MYO6: variants seen among roughly 807,000 people sequenced by gnomAD.
MYO6 encodes the protein myosin VI, also known as unconventional myosin-VI.
In MYO6, 74 loss-of-function variants were observed where a neutral mutation model predicts 178.7. The observed-to-expected ratio is 0.41, with a 90% CI of 0.34 to 0.50. The LOEUF is 0.50. Ranked by LOEUF, MYO6 falls within the 20% of genes least tolerant of loss-of-function variation. The pLI is 0.09. For synonymous variants in MYO6, 477 were observed against 504.6 expected (o/e 0.95, Z 0.73); for missense variants, 1,330 against 1,547.4 (o/e 0.86, Z 2.36).
chr6:75,803,108 T>C (rs913314601), intron 1 of MYO6, among the ~76,000 whole-genome samples: 44 of 152,250 alleles, frequency 2.9e-4, no homozygotes, highest in African/African-American at 1.0e-3. Flanking sequence ...CAGGTGTTTA[T>C]ATTTGAAATA....
At chr6:75,903,519 G>T (rs1307760281) in intron 30 of MYO6, among the ~76,000 whole-genome samples, 1 of 151,910 alleles carries the variant, frequency 6.6e-6, no homozygotes, top group African/African-American at 2.4e-5. Flanking sequence ...TTGGTTTAAA[G>T]TCTGTTTTAT....
rs193025725 is a variant in MYO6 at position 75,880,227 on chromosome 6, G to A, written c.2286+107G>A. 136 of 860,052 alleles carry A rather than the reference G, an allele frequency of 1.6e-4. No homozygotes were observed. The African/African-American group carries it at 2.2e-3, about 14-fold the overall frequency. The allele number at this position is 860,052 out of a possible 1,614,324, so 53.3% of individuals were successfully genotyped here. A position where few individuals can be genotyped will look rare whatever the true frequency, so the allele number is the denominator to read the frequency against. ...AATTTGTATTATTCTTGAATTATAT[G>A]GTCACTAACAACATGAATTGCTATT... On this transcript the variant is annotated intron_variant, in intron 22 of 34. Coordinates refer to ENST00000369977, the MANE Select transcript of MYO6 (RefSeq NM_004999.4).
chr6:75,898,703 C>A (rs1230079934), intron 30 of MYO6, among the ~76,000 whole-genome samples: 1 of 152,174 alleles, frequency 6.6e-6, no homozygotes, highest in East Asian at 1.9e-4. Context: ...AACTCAGTCT[C>A]AGTAGGGGAC....
chr6:75,894,925 G>C (rs775506754), intron 28 of MYO6: 1 of 924,694 alleles, frequency 1.1e-6, no homozygotes, highest in Non-Finnish European at 1.6e-6. Context: ...CAAAGAGATG[G>C]TTTCAAATTA....
intron 1 of MYO6, among the ~76,000 whole-genome samples, chr6:75,780,804 C>CTT (rs869179178): frequency 6.8e-6 from 1 of 146,642 alleles, no homozygotes. Context: ...AGAGATTAAA[C>CTT]TTTTTTTTTT....
chr6:75,917,445 G>A lies in MYO6; in HGVS notation c.*2433G>A, dbSNP rs1781178590. The A allele has an allele frequency of 6.6e-6, 1 of 152,518 alleles. No homozygotes were observed. Among genetic ancestry groups the A allele is most frequent in the Admixed American group, 6.5e-5 (1 of 15,284 alleles). 9.4% of individuals were successfully genotyped at this position (152,518 alleles called of 1,614,324 possible). A position where few individuals can be genotyped will look rare whatever the true frequency, so the allele number is the denominator to read the frequency against. On this transcript the variant is annotated 3_prime_UTR_variant, in exon 35 of 35. Transcript: ENST00000369977. Reference sequence around the variant, plus strand: ...AATTGTGGTAACACAGTTGAGATATGTATTATGAGTTATGGGAACTAATTG... The same window carrying A: ...AATTGTGGTAACACAGTTGAGATATATATTATGAGTTATGGGAACTAATTG...
chr6:75,808,303 G>T (rs1348243291), intron 1 of MYO6, among the ~76,000 whole-genome samples: 2 of 152,138 alleles, frequency 1.3e-5, no homozygotes, highest in Non-Finnish European at 2.9e-5. Context: ...ACTTTTCCTG[G>T]CTTATAGATG....
Position 75,817,715 on chromosome 6 carries a change from T to G in MYO6, c.117+51T>G, listed in dbSNP as rs1433053137. 6 of 1,501,774 alleles carry G rather than the reference T, an allele frequency of 4.0e-6. No individual in the cohort carries two copies. In the South Asian group the frequency reaches 4.5e-5, roughly 11 times the overall value. The allele number at this position is 1,501,774 out of a possible 1,614,324, so 93.0% of individuals were successfully genotyped here. A position where few individuals can be genotyped will look rare whatever the true frequency, so the allele number is the denominator to read the frequency against. On this transcript the variant is annotated intron_variant, in intron 2 of 34. Transcript: ENST00000369977. ...ATATGATTTCTTTCAAAAATAGGTG[T>G]TTTTTTTCACAAGAGTAAGGTCTGT...
intron 1 of MYO6, among the ~76,000 whole-genome samples, chr6:75,783,785 A>C (rs1767236186): frequency 6.6e-6 from 1 of 152,146 alleles, no homozygotes; most frequent in Non-Finnish European, 1.5e-5. Flanking sequence ...TCTAGACCAC[A>C]ACATAATTAC....
intron 18 of MYO6, among the ~76,000 whole-genome samples, chr6:75,869,629 A>T (rs1776974689): frequency 6.6e-6 from 1 of 152,208 alleles, no homozygotes; most frequent in Non-Finnish European, 1.5e-5. Flanking sequence ...ATCCAGATAG[A>T]AAAATTTTAC....
chr6:75,799,797 A>G (rs1043880709), intron 1 of MYO6, among the ~76,000 whole-genome samples: 2 of 152,048 alleles, frequency 1.3e-5, no homozygotes, highest in African/African-American at 2.4e-5. Flanking sequence ...GGTGTAGACT[A>G]ACTTTACCCA....
intron 1 of MYO6, among the ~76,000 whole-genome samples, chr6:75,812,400 A>G (rs1219599133): frequency 6.6e-6 from 1 of 152,158 alleles, no homozygotes; most frequent in African/African-American, 2.4e-5. Flanking sequence ...CCATAATCAC[A>G]TTGGGGTAAA....
At chr6:75,778,695 A>G (rs1766640842) in intron 1 of MYO6, among the ~76,000 whole-genome samples, 1 of 151,994 alleles carries the variant, frequency 6.6e-6, no homozygotes, top group Admixed American at 6.6e-5. Flanking sequence ...TATTCTCCTA[A>G]TTACTTCTGT....
At chr6:75,794,497 C>T (rs1768575735) in intron 1 of MYO6, among the ~76,000 whole-genome samples, 1 of 152,096 alleles carries the variant, frequency 6.6e-6, no homozygotes, top group East Asian at 1.9e-4. Context: ...AATATATGTT[C>T]TCAAAATCTT....
intron 2 of MYO6, 37 bp downstream of exon 2, chr6:75,817,701 T>G: frequency 6.3e-7 from 1 of 1,575,282 alleles, no homozygotes. Flanking sequence ...TATGATTTCT[T>G]TCAAAAATAG....
intron 1 of MYO6, among the ~76,000 whole-genome samples, chr6:75,757,312 A>G (rs1438497798): frequency 6.7e-6 from 1 of 149,358 alleles, no homozygotes; most frequent in African/African-American, 2.4e-5. Flanking sequence ...ATACACACAC[A>G]TATACATATA....
In MYO6 at chr6:75,758,447, A is replaced by C. The variant is rs1777657823; in HGVS notation, c.-48+9024A>C. On this transcript the variant is annotated intron_variant, in intron 1 of 34. Transcript: ENST00000369977. Reference sequence around the variant, plus strand: ...TTCGCACCTAAATTAGATTGTAATGACTGTTTCAGCTTTTTGTTTGTTTGT... The same window carrying C: ...TTCGCACCTAAATTAGATTGTAATGCCTGTTTCAGCTTTTTGTTTGTTTGT... Among the ~76,000 whole-genome samples the C allele has an allele frequency of 3.3e-5, 5 of 151,772 alleles. No homozygotes were observed. The South Asian group carries it at 1.0e-3, about 32-fold the overall frequency.
rs772225124 is a variant in MYO6, at chr6:75,898,369, G to C, written c.3138-4G>C. On this transcript the variant is annotated splice_region_variant and splice_polypyrimidine_tract_variant and intron_variant, in intron 29 of 34. Coordinates refer to ENST00000369977, the MANE Select transcript of MYO6 (RefSeq NM_004999.4). Reference sequence around the variant, plus strand: ...ACCATATTGTATTATCGTTTTTCTTGTAGGGAACAAATGGCCAAAGAAATG... The same window carrying C: ...ACCATATTGTATTATCGTTTTTCTTCTAGGGAACAAATGGCCAAAGAAATG... The C allele has an allele frequency of 2.7e-5, 44 of 1,602,874 alleles. No individual in the cohort carries two copies. Among genetic ancestry groups the C allele is most frequent in the Non-Finnish European group, 3.6e-5 (42 of 1,170,188 alleles).
chr6:75,885,927 T>G (rs1778399822), intron 23 of MYO6, 77 bp from the exon 24 acceptor site: 3 of 867,174 alleles, frequency 3.5e-6, no homozygotes, highest in African/African-American at 3.4e-5. Flanking sequence ...CATTACTTTG[T>G]GAAAATGAGT....
Sources: allele counts gnomAD v4.1 joint callset (sites outside exome capture counted in the v4.1 genomes callset), GRCh38; gene constraint gnomAD v4.1.1; transcripts MANE v1.5; gene names NCBI Gene and HGNC (gene_info 2026-07-23, HGNC 2026-07-21).